DGKH: variants seen among roughly 807,000 people sequenced by gnomAD.
DGKH encodes the protein DAG kinase eta.
DGKH carries 90 observed loss-of-function variants against 159.3 expected under a neutral mutation model. That is an observed-to-expected ratio of 0.57 (90% CI 0.48 to 0.67). The LOEUF (loss-of-function observed/expected upper bound fraction) is 0.67. Among genes scored for constraint, DGKH ranks in the 30% least tolerant of loss-of-function variants. The probability of loss-of-function intolerance (pLI) is 0.00; values close to 1 mark genes in which losing one functional copy is unlikely to be tolerated. For missense variants in DGKH, 1,181 were observed against 1,506.1 expected (o/e 0.78, Z 3.57); for synonymous variants, 536 against 553.8 (o/e 0.97, Z 0.45).
intron 3 of DGKH, among the ~76,000 whole-genome samples, chr13:42,147,137 G>A (rs1955755406): frequency 6.6e-6 from 1 of 152,124 alleles, no homozygotes; most frequent in Admixed American, 6.5e-5. Context: ...AGGAGGAAGT[G>A]AATGTGGAGT....
At chr13:42,219,440 A>G (rs1957907704) in intron 27 of DGKH, 91 bp downstream of exon 27, 1 of 1,524,770 alleles carries the variant, frequency 6.6e-7, no homozygotes, top group East Asian at 2.3e-5. Flanking sequence ...TTTAGGGAAA[A>G]ATGAATTTTG....
At chr13:42,162,948 G>T (rs559234187) in intron 7 of DGKH, among the ~76,000 whole-genome samples, 1 of 150,838 alleles carries the variant, frequency 6.6e-6, no homozygotes, top group South Asian at 2.1e-4. Flanking sequence ...TGCCATGCTA[G>T]TGTGCTGCAC....
chr13:42,253,578 T>C (rs1223770570), intron 30 of DGKH, among the ~76,000 whole-genome samples: 1 of 152,262 alleles, frequency 6.6e-6, no homozygotes, highest in African/African-American at 2.4e-5. Flanking sequence ...TTTGGTGTTT[T>C]AGCTTAGCGG....
intron 1 of DGKH, among the ~76,000 whole-genome samples, chr13:42,065,693 T>C (rs1051012665): frequency 6.6e-6 from 1 of 152,076 alleles, no homozygotes; most frequent in Non-Finnish European, 1.5e-5. Flanking sequence ...TATGAGCATA[T>C]GTGAGACATT....
At position 42,242,213 on chromosome 13, in the gene DGKH, T is replaced by C. The variant is rs1284951956; in HGVS notation, c.*13025T>C. The C allele has an allele frequency of 6.6e-6, 1 of 152,248 alleles. No individual in the cohort carries two copies. The highest frequency in any genetic ancestry group is 1.5e-5 in the Non-Finnish European group (1 of 68,030). 9.4% of individuals were successfully genotyped at this position (152,248 alleles called of 1,614,324 possible). A position where few individuals can be genotyped will look rare whatever the true frequency, so the allele number is the denominator to read the frequency against. On this transcript the variant is annotated 3_prime_UTR_variant, in exon 30 of 30. Transcript: ENST00000337343. ...ATTTGCCTCTTGTTTATTATCATGTTGAAAACACAACAGTATAGTTCCTTT... is the reference window on the plus strand; with the variant it reads ...ATTTGCCTCTTGTTTATTATCATGTCGAAAACACAACAGTATAGTTCCTTT...
At chr13:42,075,991 A>G (rs566054243) in intron 1 of DGKH, among the ~76,000 whole-genome samples, 1 of 152,206 alleles carries the variant, frequency 6.6e-6, no homozygotes, top group Non-Finnish European at 1.5e-5. Context: ...CCTTTTTAAT[A>G]TAGCCCACTT....
At position 42,238,140 on chromosome 13, in the gene DGKH, G is replaced by A. The variant is rs907128406; in HGVS notation, c.*8952G>A. The A allele has an allele frequency of 6.6e-6, 1 of 152,064 alleles. No individual in the cohort carries two copies. The highest frequency in any genetic ancestry group is 1.5e-5 in the Non-Finnish European group (1 of 68,002). 9.4% of individuals were successfully genotyped at this position (152,064 alleles called of 1,614,324 possible). The stretch of plus-strand genomic sequence containing the variant: ...TTATCAGTTGTTAGTACTTGGTAAC[G>A]TTTCTTTTACTAAAGGAATTATATA... On this transcript the variant is annotated 3_prime_UTR_variant, in exon 30 of 30. Coordinates refer to ENST00000337343, the MANE Select transcript of DGKH (RefSeq NM_178009.5).
intron 8 of DGKH, among the ~76,000 whole-genome samples, chr13:42,165,716 A>G (rs80196929): frequency 0.015 from 2,227 of 151,420 alleles, 55 homozygotes; most frequent in African/African-American, 0.049. Context: ...CGGCAATACA[A>G]TCTGAAAAGG....
intron 11 of DGKH, among the ~76,000 whole-genome samples, chr13:42,170,665 G>T (rs1243781544): frequency 6.6e-6 from 1 of 152,100 alleles, no homozygotes; most frequent in Non-Finnish European, 1.5e-5. Flanking sequence ...CAAGTGGGTT[G>T]GTTGCAGTGG....
intron 23 of DGKH, among the ~76,000 whole-genome samples, chr13:42,209,984 C>A (rs1331990126): frequency 3.6e-5 from 5 of 137,276 alleles, no homozygotes; most frequent in East Asian, 4.0e-4. Flanking sequence ...TTACTCCTGG[C>A]AATCATTGAT....
chr13:42,084,465 T>A (rs1030809275), intron 1 of DGKH, among the ~76,000 whole-genome samples: 5 of 152,144 alleles, frequency 3.3e-5, no homozygotes, highest in Non-Finnish European at 7.4e-5. Flanking sequence ...CAGATTTTTT[T>A]AAAGGAAGTT....
chr13:42,230,057 G>C lies in DGKH; in HGVS notation c.*869G>C, dbSNP rs1057124864. The C allele has an allele frequency of 6.6e-6, 1 of 151,958 alleles. No individual in the cohort carries two copies. The highest frequency in any genetic ancestry group is 2.4e-5 in the African/African-American group (1 of 41,378). The allele number at this position is 151,958 out of a possible 1,614,324, so 9.4% of individuals were successfully genotyped here. A position where few individuals can be genotyped will look rare whatever the true frequency, so the allele number is the denominator to read the frequency against. Reference sequence around the variant, plus strand: ...GCGTGCACGTTAAGAAAATTCTCTGGATATTTTCATAAAATTACATGCTCC... The same window carrying C: ...GCGTGCACGTTAAGAAAATTCTCTGCATATTTTCATAAAATTACATGCTCC... On this transcript the variant is annotated 3_prime_UTR_variant, in exon 30 of 30. Coordinates refer to ENST00000337343, the MANE Select transcript of DGKH (RefSeq NM_178009.5).
At chr13:42,152,838 C>CCATTG (rs541478506) in intron 3 of DGKH, among the ~76,000 whole-genome samples, 15,271 of 151,736 alleles carry the variant, frequency 0.1, 1,864 homozygotes, top group African/African-American at 0.29. Context: ...GCTTGTTTCG[C>CCATTG]TGGGCCGAGT....
At chr13:42,128,643 G>GAGAA (rs889769838) in intron 2 of DGKH, among the ~76,000 whole-genome samples, 20 of 151,698 alleles carry the variant, frequency 1.3e-4, no homozygotes, top group African/African-American at 4.9e-4. Flanking sequence ...TGATTCACGA[G>GAGAA]AGAGAGTTCA....
chr13:42,217,024 T>C (rs1036143146), intron 26 of DGKH, among the ~76,000 whole-genome samples: 1 of 152,236 alleles, frequency 6.6e-6, no homozygotes, highest in African/African-American at 2.4e-5. Context: ...CACTTTTAAT[T>C]TTCTCTCATT....
chr13:42,141,009 C>A (rs1295501820), intron 3 of DGKH, among the ~76,000 whole-genome samples: 1 of 39,422 alleles, frequency 2.5e-5, no homozygotes, highest in African/African-American at 7.0e-5. Flanking sequence ...TATACATGTG[C>A]CATGTTGGTG....
intron 1 of DGKH, among the ~76,000 whole-genome samples, chr13:42,056,857 T>G (rs1316676647): frequency 1.3e-5 from 2 of 152,178 alleles, no homozygotes; most frequent in Admixed American, 1.3e-4. Flanking sequence ...TCTTTTCCTC[T>G]CCCTTATTTC....
At chr13:42,069,970 T>C in intron 1 of DGKH, 2 of 747,100 alleles carry the variant, frequency 2.7e-6, no homozygotes, top group Middle Eastern at 2.4e-4. Context: ...TTCATCAATA[T>C]CAAAGTTGTT....
chr13:42,192,356 G>A (rs1292363835), intron 16 of DGKH, among the ~76,000 whole-genome samples: 2 of 151,988 alleles, frequency 1.3e-5, no homozygotes, highest in Non-Finnish European at 2.9e-5. Flanking sequence ...TTTATATTGG[G>A]CTTTCTATTT....
Sources: gnomAD v4.1 joint callset for allele counts (sites outside exome capture counted in the v4.1 genomes callset) on GRCh38, gnomAD v4.1.1 for gene constraint, MANE v1.5 for transcripts, NCBI Gene and HGNC (gene_info 2026-07-23, HGNC 2026-07-21) for gene names.